The following HS6ST1 variants were observed in gnomAD, a reference collection of about 807,000 sequenced individuals.
The protein encoded by HS6ST1 is heparan-sulfate 6-O-sulfotransferase 1.
A neutral mutation model predicts 25.2 loss-of-function variants in HS6ST1; 3 were observed. The ratio of observed to expected loss-of-function variants is 0.12; its 90% CI spans 0.05 to 0.31. The LOEUF is 0.31. HS6ST1 is among the 10% of genes least tolerant of loss of function. HS6ST1 has a pLI of 1.00. For synonymous variants in HS6ST1, 204 were observed against 275.1 expected (o/e 0.74, Z 2.56); for missense variants, 310 against 609.6 (o/e 0.51, Z 5.18).
rs548286509 is a variant in HS6ST1, at chr2:128,275,269, C to T, written c.528-6399G>A. On this transcript the variant is annotated intron_variant, in intron 1 of 1. Coordinates refer to ENST00000259241, the MANE Select transcript of HS6ST1 (RefSeq NM_004807.3). ...ACAGTGATTACTGATTTAATAAAAA[C>T]GTGAGTTTTAACTGTATGTGGGTGA... Among the ~76,000 whole-genome samples, 397 of 152,230 alleles carry T rather than the reference C, an allele frequency of 2.6e-3. 3 individuals carry two copies. The highest frequency in any genetic ancestry group is 9.2e-3 in the African/African-American group (381 of 41,544).
chr2:128,290,974 T>C (rs931971300), intron 1 of HS6ST1, among the ~76,000 whole-genome samples: 3 of 151,700 alleles, frequency 2.0e-5, no homozygotes, highest in Non-Finnish European at 4.4e-5. Context: ...AGAGTGAAAC[T>C]GTCTCAAATT....
chr2:128,308,275 C>T (rs994286065), intron 1 of HS6ST1, among the ~76,000 whole-genome samples: 2 of 152,154 alleles, frequency 1.3e-5, no homozygotes, highest in Non-Finnish European at 2.9e-5. Flanking sequence ...GCAGTGGGAA[C>T]AGAGGTGAAA....
At chr2:128,272,079 C>A (rs1330018928) in intron 1 of HS6ST1, among the ~76,000 whole-genome samples, 1 of 152,222 alleles carries the variant, frequency 6.6e-6, no homozygotes, top group East Asian at 1.9e-4. Context: ...AGCCACAAGG[C>A]TCCCTTCTCT....
rs1693557468 is a variant in HS6ST1 at position 128,268,371 on chromosome 2, G to C, written c.1027C>G (p.Leu343Val). The C allele has an allele frequency of 1.2e-5, 19 of 1,613,566 alleles. No homozygotes were observed. The highest frequency in any genetic ancestry group is 1.4e-5 in the Non-Finnish European group (17 of 1,179,884). ...TIRRIEELND[L>V]DMQLYDYAKD... ...GCGTAGTCGTACAGCTGCATGTCCA[G>C]GTCGTTGAGCTCCTCGATGCGCCGG... is the stretch of plus-strand genomic sequence containing the variant. The change falls in exon 2 of 2, where the codon CTG becomes GTG. Residue 343 changes from leucine to valine, a missense_variant. Leu to Val is a conservative substitution (Grantham distance 32). Transcript: ENST00000259241.
At chr2:128,299,842 T>A (rs7598684) in intron 1 of HS6ST1, among the ~76,000 whole-genome samples, 103,710 of 152,076 alleles carry the variant, frequency 0.68, 36,707 homozygotes, top group African/African-American at 0.87. Context: ...CTGGGGGTGC[T>A]GGCGAGGGCA....
At chr2:128,299,009 C>T (rs1694081266) in intron 1 of HS6ST1, among the ~76,000 whole-genome samples, 1 of 152,194 alleles carries the variant, frequency 6.6e-6, no homozygotes, top group Non-Finnish European at 1.5e-5. Flanking sequence ...GTGTGGGGTA[C>T]TCCTCGGCTC....
chr2:128,282,527 C>T lies in HS6ST1; in HGVS notation c.528-13657G>A, dbSNP rs1182475209. Among the ~76,000 whole-genome samples the T allele has an allele frequency of 7.2e-5, 11 of 152,340 alleles. No homozygotes were observed. The South Asian group carries it at 1.0e-3, about 14-fold the overall frequency. On this transcript the variant is annotated intron_variant, in intron 1 of 1. Coordinates refer to ENST00000259241, the MANE Select transcript of HS6ST1 (RefSeq NM_004807.3). ...CGGCCTGAGGAGCTGAGGGCAGCTC[C>T]GCCAGCGTCCTAATGGCACTGCCAG... is the stretch of plus-strand genomic sequence containing the variant.
chr2:128,300,656 G>A (rs186945191), intron 1 of HS6ST1, among the ~76,000 whole-genome samples: 4 of 152,272 alleles, frequency 2.6e-5, no homozygotes, highest in Non-Finnish European at 4.4e-5. Flanking sequence ...CAGGGTGGGC[G>A]GACCACCTTG....
intron 1 of HS6ST1, among the ~76,000 whole-genome samples, chr2:128,290,985 A>T (rs1050383570): frequency 1.6e-5 from 2 of 126,180 alleles, no homozygotes; most frequent in African/African-American, 2.7e-5. Context: ...GTCTCAAATT[A>T]AAAAAAAAAG....
chr2:128,294,829 G>A (rs1373733892), intron 1 of HS6ST1, among the ~76,000 whole-genome samples: 1 of 152,022 alleles, frequency 6.6e-6, no homozygotes, highest in African/African-American at 2.4e-5. Flanking sequence ...AGGCCCTGGA[G>A]CCTCCTGCTT....
chr2:128,269,111 C>A (rs967733524), intron 1 of HS6ST1, among the ~76,000 whole-genome samples: 1 of 152,240 alleles, frequency 6.6e-6, no homozygotes, highest in African/African-American at 2.4e-5. Flanking sequence ...GGCCTGGCTC[C>A]TCTGGAGGGA....
At chr2:128,316,573 CT>C (rs544749167) in intron 1 of HS6ST1, among the ~76,000 whole-genome samples, 280 of 152,278 alleles carry the variant, frequency 1.8e-3, no homozygotes, top group African/African-American at 6.5e-3. Flanking sequence ...GCAGAGCAGA[CT>C]AAGTGCTGGG....
intron 1 of HS6ST1, among the ~76,000 whole-genome samples, chr2:128,294,814 T>C (rs944373012): frequency 1.3e-5 from 2 of 151,950 alleles, no homozygotes; most frequent in Admixed American, 1.3e-4. Context: ...TCAGCCTGGG[T>C]GGGCAGGCCC....
At chr2:128,304,598 G>A (rs1414589147) in intron 1 of HS6ST1, among the ~76,000 whole-genome samples, 1 of 38,106 alleles carries the variant, frequency 2.6e-5, no homozygotes, top group East Asian at 2.0e-3. Flanking sequence ...TCTGCCCGTG[G>A]GTCCCCTCTC....
chr2:128,270,589 G>A (rs192199043), intron 1 of HS6ST1, among the ~76,000 whole-genome samples: 1 of 152,218 alleles, frequency 6.6e-6, no homozygotes, highest in African/African-American at 2.4e-5. Context: ...CGAGGCGGCC[G>A]GGGCAGGCTT....
intron 1 of HS6ST1, among the ~76,000 whole-genome samples, chr2:128,270,968 C>T (rs901382407): frequency 2.6e-5 from 4 of 152,216 alleles, no homozygotes; most frequent in Admixed American, 6.5e-5. Flanking sequence ...CCATTTTCAG[C>T]GCCCCAGCCC....
chr2:128,310,955 T>C (rs1694282072), intron 1 of HS6ST1, among the ~76,000 whole-genome samples: 1 of 152,084 alleles, frequency 6.6e-6, no homozygotes, highest in Non-Finnish European at 1.5e-5. Flanking sequence ...GGGTCTCGCA[T>C]GATGTGTCTG....
chr2:128,279,230 A>G (rs1483762131), intron 1 of HS6ST1, among the ~76,000 whole-genome samples: 2 of 152,150 alleles, frequency 1.3e-5, no homozygotes, highest in East Asian at 3.8e-4. Flanking sequence ...TTCTAAACTC[A>G]GACCCTGAAA....
intron 1 of HS6ST1, among the ~76,000 whole-genome samples, chr2:128,306,306 C>T (rs1158056000): frequency 2.6e-5 from 4 of 152,120 alleles, no homozygotes; most frequent in Admixed American, 6.5e-5. Flanking sequence ...GTGGCCGCGC[C>T]GCTGCGAAGA....
Sources: gnomAD v4.1 joint callset for allele counts (sites outside exome capture counted in the v4.1 genomes callset) on GRCh38, gnomAD v4.1.1 for gene constraint, MANE v1.5 for transcripts, NCBI Gene and HGNC (gene_info 2026-07-23, HGNC 2026-07-21) for gene names.